Variants in CEP152 observed in about 807,000 individuals in gnomAD.
CEP152 encodes the protein centrosomal protein 152, also known as centrosomal protein of 152 kDa.
A neutral mutation model predicts 188.9 loss-of-function variants in CEP152; 132 were observed. The observed-to-expected ratio is 0.70, with a 90% confidence interval of 0.61 to 0.81. The LOEUF (loss-of-function observed/expected upper bound fraction) is 0.81, where lower values mean the gene tolerates loss of function less well. CEP152 is among the 30% of genes least tolerant of loss of function. The pLI is 0.00. For synonymous variants in CEP152, 649 were observed against 666.6 expected (o/e 0.97, Z 0.41); for missense variants, 1,914 against 1,969.8 (o/e 0.97, Z 0.54).
At chr15:48,737,172 G>A (rs944503314), downstream of CEP152, among the ~76,000 whole-genome samples, 1 of 152,126 alleles carries the variant, frequency 6.6e-6, no homozygotes, top group African/African-American at 2.4e-5. Flanking sequence ...TTATCAGGAG[G>A]AGGAGGATGC....
chr15:48,737,242 G>A (rs958937794), downstream of CEP152, among the ~76,000 whole-genome samples: 1 of 152,118 alleles, frequency 6.6e-6, no homozygotes, highest in Non-Finnish European at 1.5e-5. Flanking sequence ...AAATACACTA[G>A]ATTAACCCCC....
chr15:48,771,084 T>C (rs868666183), intron 13 of CEP152, among the ~76,000 whole-genome samples: 4 of 152,200 alleles, frequency 2.6e-5, no homozygotes, highest in South Asian at 2.1e-4. Flanking sequence ...AGGTGTTTTA[T>C]ATATTATTTT....
chr15:48,760,766 T>C (rs1395527916), intron 18 of CEP152, among the ~76,000 whole-genome samples: 2 of 152,232 alleles, frequency 1.3e-5, no homozygotes, highest in East Asian at 3.9e-4. Flanking sequence ...GTGATACCTC[T>C]GAAGGGAAAA....
chr15:48,803,227 A>G (rs903673736), intron 2 of CEP152, among the ~76,000 whole-genome samples: 7 of 152,194 alleles, frequency 4.6e-5, no homozygotes, highest in Admixed American at 1.3e-4. Flanking sequence ...AAAGCTACCA[A>G]CCAGGTAGAC....
At position 48,783,966 on chromosome 15, in the gene CEP152, C is replaced by A; in HGVS notation, c.1321+7G>T. On this transcript the variant is annotated splice_region_variant and intron_variant, in intron 10 of 26. Coordinates refer to ENST00000380950, the MANE Select transcript of CEP152 (RefSeq NM_001194998.2). Reference sequence around the variant, plus strand: ...CTGGGGAGACAGTGGACCTACCAGACACCTACCGGACTGCAACAAGTGGGC... The same window carrying A: ...CTGGGGAGACAGTGGACCTACCAGAAACCTACCGGACTGCAACAAGTGGGC... 6.2e-7 allele frequency: 1 copy of A among 1,613,702 alleles called. No individual in the cohort carries two copies. Among genetic ancestry groups the A allele is most frequent in the Non-Finnish European group, 8.5e-7 (1 of 1,179,816 alleles).
intron 17 of CEP152, 133 bp from the exon 18 acceptor site, chr15:48,762,805 G>T (rs1894786920): frequency 3.3e-6 from 3 of 895,890 alleles, no homozygotes; most frequent in Admixed American, 5.3e-5. Flanking sequence ...AATTATAAAA[G>T]GTTTAGAAAT....
chr15:48,797,189 G>T, intron 5 of CEP152, 112 bp downstream of exon 5: 2 of 1,243,390 alleles, frequency 1.6e-6, no homozygotes, highest in Non-Finnish European at 2.3e-6. Flanking sequence ...AGAACTTCGT[G>T]TGGTTAAATC....
intron 6 of CEP152, among the ~76,000 whole-genome samples, chr15:48,794,572 A>C (rs1396107179): frequency 6.6e-6 from 1 of 152,200 alleles, no homozygotes; most frequent in Non-Finnish European, 1.5e-5. Flanking sequence ...CACTACCATT[A>C]AGTTATTTAA....
intron 13 of CEP152, among the ~76,000 whole-genome samples, chr15:48,770,738 G>A (rs760352901): frequency 8.5e-5 from 13 of 152,176 alleles, no homozygotes; most frequent in Non-Finnish European, 1.3e-4. Context: ...GGGGCAGGGC[G>A]GGGAGGAGTC....
rs377506426 is a variant in CEP152 at position 48,756,263 on chromosome 15, C to T, written c.2985G>A (p.Ala995=). The stretch of plus-strand genomic sequence containing the variant: ...GTTTCATAAAGTCTTCTTTAGCTGC[C>T]GCAAGCACCTCATTAATTTTATTTC... ...DHRNKINEVL[A]AAKEDFMKQK... The change falls in exon 20 of 27, where the codon GCG becomes GCA. Residue 995 remains alanine (A), a synonymous_variant. Transcript: ENST00000380950. 7.5e-6 allele frequency: 12 copies of T among 1,590,852 alleles called. No individual in the cohort carries two copies. Among genetic ancestry groups the T allele is most frequent in the Admixed American group, 7.1e-5 (4 of 56,052 alleles).
At chr15:48,741,883 T>C (rs2140565469) in intron 25 of CEP152, 64 bp downstream of exon 25, 1 of 1,613,896 alleles carries the variant, frequency 6.2e-7, no homozygotes, top group African/African-American at 1.3e-5. Flanking sequence ...TTAAGGAAAA[T>C]GCTTTAAAAA....
intron 20 of CEP152, among the ~76,000 whole-genome samples, chr15:48,755,369 G>A (rs1488321456): frequency 6.6e-6 from 1 of 151,944 alleles, no homozygotes; most frequent in Non-Finnish European, 1.5e-5. Flanking sequence ...CAATAAATAG[G>A]CTTCCAAACT....
intron 22 of CEP152, among the ~76,000 whole-genome samples, chr15:48,747,114 C>A (rs777913473): frequency 6.6e-6 from 1 of 152,120 alleles, no homozygotes; most frequent in Non-Finnish European, 1.5e-5. Context: ...GAGCTTTAAA[C>A]AAGAGTGTCA....
Position 48,765,636 on chromosome 15 carries a change from A to ATTTTTTTTTTTTTTTTTTTTTT in CEP152, c.2280+1402_2280+1423dup, listed in dbSNP as rs34837739. On this transcript the variant is annotated intron_variant, in intron 17 of 26. Transcript: ENST00000380950. Reference sequence around the variant, plus strand: ...GAAAATTCCTCTTATGTTCTTGCCAATTTTTTTTTTTTTTTTTTTTTTTTT... The same window carrying ATTTTTTTTTTTTTTTTTTTTTT: ...GAAAATTCCTCTTATGTTCTTGCCAATTTTTTTTTTTTTTTTTTTTTTTTTTTTTTTTTTTTTTTTTTTTTTT... The ATTTTTTTTTTTTTTTTTTTTTT allele has an allele frequency of 9.0e-5, 17 of 189,476 alleles. 1 individual carries two copies. Among genetic ancestry groups the ATTTTTTTTTTTTTTTTTTTTTT allele is most frequent in the African/African-American group, 7.6e-4 (12 of 15,724 alleles). The allele number at this position is 189,476 out of a possible 1,614,324, so 11.7% of individuals were successfully genotyped here.
rs1026048546 is a variant in CEP152, at chr15:48,738,140, T to A, written c.*109A>T. 8.8e-7 allele frequency: 1 copy of A among 1,134,614 alleles called. No individual in the cohort carries two copies. The highest frequency in any genetic ancestry group is 1.6e-5 in the African/African-American group (1 of 63,834). 70.3% of individuals were successfully genotyped at this position (1,134,614 alleles called of 1,614,324 possible). On this transcript the variant is annotated 3_prime_UTR_variant, in exon 27 of 27. Coordinates refer to ENST00000380950, the MANE Select transcript of CEP152 (RefSeq NM_001194998.2). ...GAATGCTTTACTTATATAACAGATG[T>A]TATTAAAACATCTCAAAAGAGGCAG... is the stretch of plus-strand genomic sequence containing the variant.
Position 48,738,772 on chromosome 15 carries a change from T to A in CEP152, c.4610A>T (p.Lys1537Ile), listed in dbSNP as rs759915641. The change falls in exon 27 of 27, where the codon AAA becomes ATA. Residue 1537 changes from lysine to isoleucine, a missense_variant. Physicochemically the swap from Lys to Ile is moderately radical, Grantham distance 102. Coordinates refer to ENST00000380950, the MANE Select transcript of CEP152 (RefSeq NM_001194998.2). ...SNERLGLKVY[K>I]CNPLMESENA... ...TTCACTTTCCATTAGTGGATTGCAT[T>A]TATATACTTTTAAACCAAGTCTTTC... is the stretch of plus-strand genomic sequence containing the variant. 1 of 1,614,192 alleles carries A rather than the reference T, an allele frequency of 6.2e-7. No individual in the cohort carries two copies.
At chr15:48,760,099 C>T in intron 19 of CEP152, 36 bp downstream of exon 19, 3 of 1,613,392 alleles carry the variant, frequency 1.9e-6, no homozygotes, top group Non-Finnish European at 2.5e-6. Flanking sequence ...TCAGGTAAGA[C>T]AGCCTCCTGA....
chr15:48,795,463 A>C (rs1312189728), intron 6 of CEP152, among the ~76,000 whole-genome samples: 1 of 152,172 alleles, frequency 6.6e-6, no homozygotes, highest in Admixed American at 6.5e-5. Context: ...TTCATTTTCC[A>C]AATTAGGCTT....
chr15:48,737,304 T>A (rs973089419), downstream of CEP152, among the ~76,000 whole-genome samples: 1 of 152,144 alleles, frequency 6.6e-6, no homozygotes, highest in African/African-American at 2.4e-5. Context: ...AAAGCTATAG[T>A]TAACTGTTTT....
Sources: gnomAD v4.1 joint callset for allele counts (sites outside exome capture counted in the v4.1 genomes callset) on GRCh38, gnomAD v4.1.1 for gene constraint, MANE v1.5 for transcripts, NCBI Gene and HGNC (gene_info 2026-07-23, HGNC 2026-07-21) for gene names.